Variants in SWT1 observed in about 807,000 individuals in gnomAD.
The protein encoded by SWT1 is transcriptional protein SWT1.
Under a neutral mutation model 107.3 loss-of-function variants are expected in SWT1, and 33 were observed. The observed-to-expected ratio is 0.31, with a 90% CI of 0.23 to 0.41. SWT1 has a LOEUF of 0.41. SWT1 is among the 10% of genes least tolerant of loss of function. SWT1 has a pLI of 1.00. For missense variants in SWT1, 898 were observed against 1,028.9 expected (o/e 0.87, Z 1.74); for synonymous variants, 345 against 348.3 (o/e 0.99, Z 0.11).
At chr1:185,249,434 T>A (rs976922504) in intron 16 of SWT1, among the ~76,000 whole-genome samples, 4 of 152,112 alleles carry the variant, frequency 2.6e-5, no homozygotes, top group Non-Finnish European at 4.4e-5. Context: ...CACAGCAGTT[T>A]ACATCCCTCC....
chr1:185,162,410 G>A (rs938380599), intron 2 of SWT1, among the ~76,000 whole-genome samples: 17 of 152,058 alleles, frequency 1.1e-4, no homozygotes, highest in African/African-American at 4.1e-4. Context: ...TGCTTGCTAG[G>A]GAATTCACCT....
At position 185,291,485 on chromosome 1, in the gene SWT1, A is replaced by G. The variant is rs1481310004; in HGVS notation, c.*682A>G. On this transcript the variant is annotated 3_prime_UTR_variant, in exon 19 of 19. Transcript: ENST00000367500. ...CTTAAATGTGAAGCAAAATAAATTT[A>G]TATAATGGAATTTGGTGGCAGTGAC... is the stretch of plus-strand genomic sequence containing the variant. The G allele has an allele frequency of 1.3e-5, 2 of 152,586 alleles. No homozygotes were observed. The highest frequency in any genetic ancestry group is 2.9e-5 in the Non-Finnish European group (2 of 68,050). 9.5% of individuals were successfully genotyped at this position (152,586 alleles called of 1,614,324 possible).
intron 2 of SWT1, among the ~76,000 whole-genome samples, chr1:185,163,588 GT>G (rs1293483405): frequency 6.6e-6 from 1 of 152,092 alleles, no homozygotes; most frequent in Non-Finnish European, 1.5e-5. Flanking sequence ...TAGAGATGGG[GT>G]TTCACTGTGT....
At chr1:185,239,542 T>G (rs1425273611) in intron 16 of SWT1, among the ~76,000 whole-genome samples, 7 of 152,056 alleles carry the variant, frequency 4.6e-5, no homozygotes, top group Non-Finnish European at 8.8e-5. Context: ...TCTGAACACT[T>G]TCTTTTTAGG....
At position 185,208,373 on chromosome 1, in the gene SWT1, G is replaced by T. The variant is rs566364356; in HGVS notation, c.1972+1610G>T. On this transcript the variant is annotated intron_variant, in intron 13 of 18. Transcript: ENST00000367500. The stretch of plus-strand genomic sequence containing the variant: ...GGATGGGGAAGGTGCAGTGGTAGGG[G>T]ATGATAAGAGATTGAGCAATATAAA... 2.0e-5 allele frequency among the ~76,000 whole-genome samples: 3 copies of T among 152,290 alleles called. No individual in the cohort carries two copies. The East Asian group carries it at 5.8e-4, about 29-fold the overall frequency.
chr1:185,159,795 A>G (rs1653985393), intron 1 of SWT1, among the ~76,000 whole-genome samples: 1 of 151,954 alleles, frequency 6.6e-6, no homozygotes, highest in Non-Finnish European at 1.5e-5. Flanking sequence ...GCACAATCTT[A>G]CTCACTACAA....
intron 10 of SWT1, among the ~76,000 whole-genome samples, chr1:185,193,760 A>G (rs1044557957): frequency 1.3e-5 from 2 of 152,094 alleles, no homozygotes; most frequent in African/African-American, 2.4e-5. Flanking sequence ...CCACCTTGCC[A>G]AGGCTGGTTG....
At chr1:185,183,400 C>T (rs2102381919) in intron 7 of SWT1, among the ~76,000 whole-genome samples, 1 of 152,116 alleles carries the variant, frequency 6.6e-6, no homozygotes, top group East Asian at 2.0e-4. Flanking sequence ...AAGCAATTCT[C>T]CTGCCTCAGC....
chr1:185,195,947 G>T (rs1657348797), intron 10 of SWT1, among the ~76,000 whole-genome samples: 1 of 152,138 alleles, frequency 6.6e-6, no homozygotes, highest in African/African-American at 2.4e-5. Context: ...TAGGTTGCTT[G>T]TTAACCCTGA....
chr1:185,242,982 A>G (rs922364610), intron 16 of SWT1, among the ~76,000 whole-genome samples: 2 of 152,218 alleles, frequency 1.3e-5, no homozygotes, highest in Admixed American at 1.3e-4. Context: ...AACTTAAATA[A>G]CAAGTATGTA....
Position 185,169,970 on chromosome 1 carries a change from GAA to G in SWT1, c.224+1573_224+1574del, listed in dbSNP as rs1262369132. ...AGAAACTGCCTTCTCTGAAGGCAGA[GAA>G]GAAATATGCAAGCAATTCTGCTTCA... On this transcript the variant is annotated intron_variant, in intron 4 of 18. Transcript: ENST00000367500. Among the ~76,000 whole-genome samples, 9 of 152,236 alleles carry G rather than the reference GAA, an allele frequency of 5.9e-5. No individual in the cohort carries two copies. In the East Asian group the frequency reaches 1.7e-3, roughly 29 times the overall value.
intron 10 of SWT1, among the ~76,000 whole-genome samples, chr1:185,198,292 G>T (rs1571478810): frequency 6.6e-6 from 1 of 152,140 alleles, no homozygotes; most frequent in East Asian, 1.9e-4. Flanking sequence ...ATTACACTGT[G>T]GTCTGAGAGA....
At chr1:185,210,168 G>A (rs1244655849) in intron 13 of SWT1, among the ~76,000 whole-genome samples, 1 of 152,060 alleles carries the variant, frequency 6.6e-6, no homozygotes, top group Admixed American at 6.6e-5. Flanking sequence ...CCATTCTGTA[G>A]GTTGCCTGTT....
chr1:185,226,656 C>G (rs1021549195), intron 15 of SWT1, among the ~76,000 whole-genome samples: 3 of 151,552 alleles, frequency 2.0e-5, no homozygotes, highest in Non-Finnish European at 4.4e-5. Context: ...GTGTTAGATA[C>G]TACTGATTCA....
chr1:185,163,130 C>T (rs1240343734), intron 2 of SWT1, among the ~76,000 whole-genome samples: 15 of 152,058 alleles, frequency 9.9e-5, no homozygotes, highest in Admixed American at 8.5e-4. Context: ...GCTGTGGCAG[C>T]GTCTTAAGAC....
intron 15 of SWT1, chr1:185,227,720 C>A (rs1384287793): frequency 4.0e-6 from 2 of 501,742 alleles, no homozygotes; most frequent in East Asian, 5.3e-5. Flanking sequence ...CAGAGACCTG[C>A]GTCTGCAGCT....
At chr1:185,219,553 C>T (rs1424278457) in intron 14 of SWT1, among the ~76,000 whole-genome samples, 2 of 152,146 alleles carry the variant, frequency 1.3e-5, no homozygotes, top group East Asian at 3.9e-4. Flanking sequence ...GAACTTAAGC[C>T]TAGAGAAATG....
chr1:185,290,574 ATT>A, intron 18 of SWT1, 98 bp from the exon 19 acceptor site: 4 of 791,990 alleles, frequency 5.1e-6, no homozygotes, highest in African/African-American at 1.8e-5. Flanking sequence ...ATATATATAT[ATT>A]TTTTATTTGT....
intron 13 of SWT1, among the ~76,000 whole-genome samples, chr1:185,212,642 A>G (rs1448113602): frequency 6.6e-6 from 1 of 152,086 alleles, no homozygotes; most frequent in Non-Finnish European, 1.5e-5. Flanking sequence ...CTTTACTAAA[A>G]ATCCAAAAAA....
Sources: gnomAD v4.1 joint callset for allele counts (sites outside exome capture counted in the v4.1 genomes callset) on GRCh38, gnomAD v4.1.1 for gene constraint, MANE v1.5 for transcripts, NCBI Gene and HGNC (gene_info 2026-07-23, HGNC 2026-07-21) for gene names.